Variants in RBFOX1 observed in about 807,000 individuals in gnomAD.
RBFOX1 encodes RNA binding protein fox-1 homolog 1.
A neutral mutation model predicts 57.7 loss-of-function variants in RBFOX1; 8 were observed. The observed-to-expected ratio is 0.14, with a 90% CI of 0.08 to 0.25. The LOEUF (loss-of-function observed/expected upper bound fraction) is 0.25, where lower values mean the gene tolerates loss of function less well. RBFOX1 is among the 10% of genes least tolerant of loss of function. RBFOX1 has a pLI of 1.00. For synonymous variants in RBFOX1, 326 were observed against 222.4 expected, an observed-to-expected ratio of 1.47 and a Z score of -4.15; for missense variants, 611 against 548.5, an observed-to-expected ratio of 1.11 and a Z score of -1.14.
intron 3 of RBFOX1, among the ~76,000 whole-genome samples, chr16:6,688,344 A>C (rs2059741421): frequency 6.6e-6 from 1 of 152,180 alleles, no homozygotes; most frequent in South Asian, 2.1e-4. Context: ...AACCACCCCC[A>C]TGATTCAATC....
intron 3 of RBFOX1, among the ~76,000 whole-genome samples, chr16:5,775,915 C>G (rs532044571): frequency 1.3e-5 from 2 of 152,320 alleles, no homozygotes; most frequent in African/African-American, 4.8e-5. Flanking sequence ...GGTTCTGTCT[C>G]TGGACCTTGA....
At chr16:6,763,449 C>T (rs2076913722) in intron 3 of RBFOX1, among the ~76,000 whole-genome samples, 1 of 152,282 alleles carries the variant, frequency 6.6e-6, no homozygotes, top group Middle Eastern at 3.4e-3. Flanking sequence ...GTACACCTGT[C>T]TTATTCATGG....
At chr16:6,618,632 C>T (rs113227554) in intron 2 of RBFOX1, among the ~76,000 whole-genome samples, 33 of 152,308 alleles carry the variant, frequency 2.2e-4, no homozygotes, top group African/African-American at 7.0e-4. Flanking sequence ...TCCAAGGTTA[C>T]GTGGCTAGTG....
At chr16:5,784,301 C>A (rs1327050500) in intron 3 of RBFOX1, among the ~76,000 whole-genome samples, 2 of 152,164 alleles carry the variant, frequency 1.3e-5, no homozygotes, top group African/African-American at 4.8e-5. Flanking sequence ...GTGGCTGGCG[C>A]CTGTAGTCCC....
At chr16:6,079,952 C>G (rs1179302602) in intron 1 of RBFOX1, among the ~76,000 whole-genome samples, 1 of 152,214 alleles carries the variant, frequency 6.6e-6, no homozygotes, top group Non-Finnish European at 1.5e-5. Context: ...CTTGGATTGA[C>G]TTTCAAAACC....
intron 3 of RBFOX1, among the ~76,000 whole-genome samples, chr16:6,944,050 C>G (rs1354120963): frequency 6.6e-6 from 1 of 152,052 alleles, no homozygotes; most frequent in Non-Finnish European, 1.5e-5. Context: ...CAGGGACAAC[C>G]AACACTGCAA....
rs185888012 is a variant in RBFOX1, at chr16:7,120,100, C to A, written c.27+68002C>A. On this transcript the variant is annotated intron_variant, in intron 4 of 15. Transcript: ENST00000550418. Reference sequence around the variant, plus strand: ...AATTAAACCGCAAAGTCTAAATCACCCATAGTTCAAAGAGGAAGTCTCAAG... The same window carrying A: ...AATTAAACCGCAAAGTCTAAATCACACATAGTTCAAAGAGGAAGTCTCAAG... Among the ~76,000 whole-genome samples the A allele has an allele frequency of 1.3e-4, 20 of 151,954 alleles. No individual in the cohort carries two copies. In the East Asian group the frequency reaches 3.9e-3, roughly 29 times the overall value.
At chr16:6,806,836 A>ATATATATATATATATATATATATTTT in intron 3 of RBFOX1, among the ~76,000 whole-genome samples, 1 of 91,900 alleles carries the variant, frequency 1.1e-5, no homozygotes, top group African/African-American at 4.1e-5. Flanking sequence ...ATATATATAT[A>ATATATATATATATATATATATATTTT]TTTTTTTTTT....
chr16:7,327,377 G>A (rs1438694256), intron 4 of RBFOX1, among the ~76,000 whole-genome samples: 1 of 152,176 alleles, frequency 6.6e-6, no homozygotes, highest in African/African-American at 2.4e-5. Context: ...GTAAAGTGAG[G>A]AATATTATGA....
At chr16:6,104,200 T>C (rs1400666436) in intron 1 of RBFOX1, among the ~76,000 whole-genome samples, 1 of 152,152 alleles carries the variant, frequency 6.6e-6, no homozygotes, top group Non-Finnish European at 1.5e-5. Context: ...TATATGTTTG[T>C]AGGATACAAT....
intron 1 of RBFOX1, among the ~76,000 whole-genome samples, chr16:5,424,703 G>A (rs990597265): frequency 6.6e-6 from 1 of 151,908 alleles, no homozygotes; most frequent in African/African-American, 2.4e-5. Flanking sequence ...TTCTGAGGGC[G>A]CACGTGTGGG....
intron 1 of RBFOX1, among the ~76,000 whole-genome samples, chr16:6,117,174 C>T (rs185461923): frequency 2.0e-5 from 3 of 152,172 alleles, no homozygotes; most frequent in Non-Finnish European, 4.4e-5. Flanking sequence ...GAACGGGATT[C>T]CCTGTGAAAA....
chr16:7,502,284 G>A (rs2071186062), intron 4 of RBFOX1, among the ~76,000 whole-genome samples: 1 of 151,756 alleles, frequency 6.6e-6, no homozygotes, highest in Admixed American at 6.6e-5. Context: ...GGAAGAAAAA[G>A]AGGGAACCAT....
At chr16:5,477,315 C>A (rs921039578) in intron 2 of RBFOX1, among the ~76,000 whole-genome samples, 1 of 152,136 alleles carries the variant, frequency 6.6e-6, no homozygotes, top group Non-Finnish European at 1.5e-5. Flanking sequence ...GCACTCAATG[C>A]GCTGCTACGT....
At chr16:7,105,599 T>G in intron 4 of RBFOX1, among the ~76,000 whole-genome samples, 1 of 152,062 alleles carries the variant, frequency 6.6e-6, no homozygotes, top group East Asian at 1.9e-4. Flanking sequence ...CATTCCTGAG[T>G]TAGTCTGCAA....
At chr16:6,812,399 G>T (rs975702174) in intron 3 of RBFOX1, among the ~76,000 whole-genome samples, 2 of 152,108 alleles carry the variant, frequency 1.3e-5, no homozygotes, top group African/African-American at 4.8e-5. Flanking sequence ...TTGAGACGGA[G>T]TCTGGGTCTT....
In RBFOX1 at chr16:7,508,872, A is replaced by G. The variant is rs534061140; in HGVS notation, c.28-9275A>G. On this transcript the variant is annotated intron_variant, in intron 4 of 15. Coordinates refer to ENST00000550418, the MANE Select transcript of RBFOX1 (RefSeq NM_018723.4). Reference sequence around the variant, plus strand: ...CCAGTAGGGGAAGATCTCTCTTTCCATAGCAAGGAGCCTTGGTGATAAGCA... The same window carrying G: ...CCAGTAGGGGAAGATCTCTCTTTCCGTAGCAAGGAGCCTTGGTGATAAGCA... 5.9e-5 allele frequency among the ~76,000 whole-genome samples: 9 copies of G among 152,334 alleles called. No individual in the cohort carries two copies. The East Asian group carries it at 1.3e-3, about 23-fold the overall frequency.
intron 4 of RBFOX1, among the ~76,000 whole-genome samples, chr16:7,261,251 G>A (rs116360005): frequency 0.01 from 1,545 of 152,252 alleles, 26 homozygotes; most frequent in African/African-American, 0.034. Context: ...GAATAGTTCT[G>A]AGCATTAAAG....
intron 4 of RBFOX1, among the ~76,000 whole-genome samples, chr16:7,222,521 A>T (rs751892976): frequency 1.2e-4 from 18 of 152,292 alleles, no homozygotes; most frequent in Non-Finnish European, 2.1e-4. Flanking sequence ...AGCACTCTTG[A>T]TAACAGGACC....
Sources: allele counts gnomAD v4.1 joint callset (sites outside exome capture counted in the v4.1 genomes callset), GRCh38; gene constraint gnomAD v4.1.1; transcripts MANE v1.5; gene names NCBI Gene and HGNC (gene_info 2026-07-23, HGNC 2026-07-21).